The following RHOJ variants were observed in gnomAD, a reference collection of about 807,000 sequenced individuals.
RHOJ encodes ras homolog family member J.
In RHOJ, 11 loss-of-function variants were observed where a neutral mutation model predicts 23.4. That is an observed-to-expected ratio of 0.47 (90% CI 0.30 to 0.78). RHOJ has a LOEUF of 0.78. RHOJ is among the 30% of genes least tolerant of loss of function. The pLI is 0.08. For missense variants in RHOJ, 254 were observed against 273.4 expected (o/e 0.93, Z 0.50); for synonymous variants, 102 against 102.7 (o/e 0.99, Z 0.04).
intron 1 of RHOJ, among the ~76,000 whole-genome samples, chr14:63,239,040 C>T (rs967063698): frequency 2.0e-5 from 3 of 152,188 alleles, no homozygotes; most frequent in African/African-American, 7.2e-5. Context: ...GCGGTCTCTC[C>T]AGGTCATTAG....
At chr14:63,223,873 T>A (rs1229982461) in intron 1 of RHOJ, among the ~76,000 whole-genome samples, 1 of 152,210 alleles carries the variant, frequency 6.6e-6, no homozygotes, top group Non-Finnish European at 1.5e-5. Context: ...CATTTCATAG[T>A]CCAATTTCAC....
intron 1 of RHOJ, among the ~76,000 whole-genome samples, chr14:63,216,747 G>A (rs1322445830): frequency 1.3e-5 from 2 of 152,172 alleles, no homozygotes; most frequent in Admixed American, 6.5e-5. Flanking sequence ...AAGAGACAAA[G>A]AGTTGATGCT....
At chr14:63,242,469 T>G (rs1232174038) in intron 1 of RHOJ, among the ~76,000 whole-genome samples, 3 of 151,964 alleles carry the variant, frequency 2.0e-5, no homozygotes, top group Non-Finnish European at 4.4e-5. Context: ...CTTGGGGTGT[T>G]GAGGAGGGAG....
chr14:63,215,060 T>C (rs907590203), intron 1 of RHOJ, among the ~76,000 whole-genome samples: 1 of 152,170 alleles, frequency 6.6e-6, no homozygotes, highest in South Asian at 2.1e-4. Flanking sequence ...TCATCCAGCC[T>C]TGTGATTATG....
At chr14:63,230,970 C>T (rs527902338) in intron 1 of RHOJ, among the ~76,000 whole-genome samples, 2 of 150,814 alleles carry the variant, frequency 1.3e-5, no homozygotes, top group East Asian at 2.0e-4. Context: ...CTCACTGCAA[C>T]CTCCGCCTCC....
At chr14:63,227,169 C>T (rs1894609741) in intron 1 of RHOJ, among the ~76,000 whole-genome samples, 1 of 152,144 alleles carries the variant, frequency 6.6e-6, no homozygotes, top group South Asian at 2.1e-4. Flanking sequence ...CCAGGCTGGT[C>T]TCGAACTCCT....
intron 2 of RHOJ, among the ~76,000 whole-genome samples, chr14:63,279,633 T>G (rs1881838539): frequency 6.6e-6 from 1 of 152,244 alleles, no homozygotes; most frequent in Admixed American, 6.5e-5. Flanking sequence ...AAATATCTTA[T>G]GTAACCAGAA....
rs1188562041 is a variant in RHOJ at position 63,264,435 on chromosome 14, T to C, written c.179-4675T>C. The stretch of plus-strand genomic sequence containing the variant: ...AATCCATCCTGGATGGACACCTGGA[T>C]TGATTTCATGTATTTGCTATTGTGA... On this transcript the variant is annotated intron_variant, in intron 1 of 4. Transcript: ENST00000316754. 2.0e-5 allele frequency among the ~76,000 whole-genome samples: 3 copies of C among 152,216 alleles called. No homozygotes were observed. The East Asian group carries it at 5.8e-4, about 29-fold the overall frequency.
chr14:63,205,862 C>A (rs374396907), intron 1 of RHOJ, among the ~76,000 whole-genome samples: 3 of 152,256 alleles, frequency 2.0e-5, no homozygotes, highest in East Asian at 3.9e-4. Flanking sequence ...CATTTTGATT[C>A]TTTCTTTTTC....
chr14:63,283,731 A>G (rs1274181987), intron 4 of RHOJ, among the ~76,000 whole-genome samples: 1 of 152,230 alleles, frequency 6.6e-6, no homozygotes, highest in African/African-American at 2.4e-5. Context: ...CTGGAAGGAT[A>G]ACAGATACCA....
At chr14:63,217,141 G>T (rs539051971) in intron 1 of RHOJ, among the ~76,000 whole-genome samples, 44 of 150,334 alleles carry the variant, frequency 2.9e-4, no homozygotes, top group Non-Finnish European at 5.3e-4. Flanking sequence ...CATTGTGCAG[G>T]TTAGTTACAT....
At chr14:63,243,209 C>T (rs1894915214) in intron 1 of RHOJ, among the ~76,000 whole-genome samples, 1 of 152,208 alleles carries the variant, frequency 6.6e-6, no homozygotes, top group Admixed American at 6.5e-5. Context: ...AGTATTTTTC[C>T]TCATCTGTCT....
intron 1 of RHOJ, among the ~76,000 whole-genome samples, chr14:63,220,900 A>AT (rs1429973032): frequency 6.6e-6 from 1 of 152,232 alleles, no homozygotes; most frequent in Non-Finnish European, 1.5e-5. Flanking sequence ...GCAAAACGGA[A>AT]TTTTTTACTA....
intron 2 of RHOJ, among the ~76,000 whole-genome samples, chr14:63,272,663 T>C (rs1256613450): frequency 6.6e-6 from 1 of 152,210 alleles, no homozygotes; most frequent in Non-Finnish European, 1.5e-5. Flanking sequence ...CAGACCTGGC[T>C]ACAGCCCCAT....
intron 2 of RHOJ, among the ~76,000 whole-genome samples, chr14:63,270,304 G>A (rs1010143609): frequency 1.3e-5 from 2 of 151,610 alleles, no homozygotes; most frequent in Admixed American, 6.6e-5. Context: ...CTGTGTAAAT[G>A]TGTGTGGAAC....
chr14:63,257,327 G>C (rs1895188022), intron 1 of RHOJ, among the ~76,000 whole-genome samples: 1 of 147,738 alleles, frequency 6.8e-6, no homozygotes, highest in African/African-American at 2.5e-5. Flanking sequence ...CAAGAGCCAA[G>C]CCCAGCTCAG....
At chr14:63,249,183 A>C (rs776381517) in intron 1 of RHOJ, among the ~76,000 whole-genome samples, 3 of 152,262 alleles carry the variant, frequency 2.0e-5, no homozygotes, top group Non-Finnish European at 2.9e-5. Context: ...AGACATGTCC[A>C]CTGAAGTCCC....
At chr14:63,277,429 G>A (rs1366389363) in intron 2 of RHOJ, among the ~76,000 whole-genome samples, 2 of 152,148 alleles carry the variant, frequency 1.3e-5, no homozygotes, top group East Asian at 3.8e-4. Context: ...TCCCAGATAC[G>A]CAGGCCCACT....
intron 2 of RHOJ, among the ~76,000 whole-genome samples, chr14:63,279,875 G>A (rs575725796): frequency 9.7e-4 from 148 of 152,188 alleles, no homozygotes; most frequent in Non-Finnish European, 1.7e-3. Flanking sequence ...TTTTAATCGT[G>A]TGAGGAGAGG....
Sources: gnomAD v4.1 joint callset for allele counts (sites outside exome capture counted in the v4.1 genomes callset) on GRCh38, gnomAD v4.1.1 for gene constraint, MANE v1.5 for transcripts, NCBI Gene and HGNC (gene_info 2026-07-23, HGNC 2026-07-21) for gene names.